Variants in RHOBTB1 observed in about 807,000 individuals in gnomAD.
RHOBTB1 encodes the protein Rho related BTB domain containing 1, also known as rho-related BTB domain-containing protein 1.
RHOBTB1 carries 40 observed loss-of-function variants against 71.6 expected under a neutral mutation model. The observed-to-expected ratio is 0.56, with a 90% confidence interval of 0.43 to 0.73. The LOEUF (loss-of-function observed/expected upper bound fraction) is 0.73. RHOBTB1 is among the 30% of genes least tolerant of loss of function. The probability of loss-of-function intolerance (pLI) is 0.00; values close to 1 mark genes in which losing one functional copy is unlikely to be tolerated. For synonymous variants in RHOBTB1, 319 were observed against 334.9 expected (o/e 0.95, Z 0.52); for missense variants, 797 against 894.0 (o/e 0.89, Z 1.38).
At chr10:60,891,305 T>C (rs1397064372) in intron 5 of RHOBTB1, among the ~76,000 whole-genome samples, 1 of 149,500 alleles carries the variant, frequency 6.7e-6, no homozygotes, top group Admixed American at 6.7e-5. Flanking sequence ...AATGTCAAAA[T>C]AAGGGATTTT....
At chr10:60,995,740 T>C (rs1433240685) in intron 1 of RHOBTB1, among the ~76,000 whole-genome samples, 1 of 152,200 alleles carries the variant, frequency 6.6e-6, no homozygotes, top group Non-Finnish European at 1.5e-5. Context: ...GTTTCTGCCC[T>C]TATTGTTTTT....
Position 60,888,617 on chromosome 10 carries a change from T to C in RHOBTB1, c.1051A>G (p.Lys351Glu). 7 of 1,614,192 alleles carry C rather than the reference T, an allele frequency of 4.3e-6. No individual in the cohort carries two copies. Among genetic ancestry groups the C allele is most frequent in the Non-Finnish European group, 5.1e-6 (6 of 1,180,026 alleles). ...AGCCCCAGAGCCTCCACCAGGCTCT[T>C]GTTTGAAGACTTCCACTGGTCGGCC... ...PQADQWKSSN[K>E]SLVEALGLEA... Residue 351 changes from lysine to glutamate, a missense_variant, in exon 6 of 11, where the codon AAG becomes GAG. Coordinates refer to ENST00000337910, the MANE Select transcript of RHOBTB1 (RefSeq NM_014836.5).
chr10:60,930,141 T>A (rs1255443375), intron 2 of RHOBTB1, among the ~76,000 whole-genome samples: 1 of 152,182 alleles, frequency 6.6e-6, no homozygotes, highest in East Asian at 1.9e-4. Context: ...AAATGGGAAA[T>A]GTTTTAAAAG....
intron 2 of RHOBTB1, among the ~76,000 whole-genome samples, chr10:60,961,954 T>TA (rs976167728): frequency 2.6e-5 from 4 of 151,902 alleles, no homozygotes; most frequent in African/African-American, 9.7e-5. Context: ...ATTATAGGCA[T>TA]GCACTACCAC....
intron 2 of RHOBTB1, among the ~76,000 whole-genome samples, chr10:60,952,767 G>A (rs894152309): frequency 6.6e-6 from 1 of 151,992 alleles, no homozygotes; most frequent in Admixed American, 6.6e-5. Context: ...AACTACCTTA[G>A]TATTTTATAT....
chr10:60,876,867 T>C (rs1188913236), intron 8 of RHOBTB1, among the ~76,000 whole-genome samples: 2 of 152,242 alleles, frequency 1.3e-5, no homozygotes, highest in African/African-American at 4.8e-5. Flanking sequence ...TCTAAAGACA[T>C]TGCCAGAAAG....
chr10:60,966,910 T>G (rs1362176894), intron 2 of RHOBTB1, among the ~76,000 whole-genome samples: 1 of 151,030 alleles, frequency 6.6e-6, no homozygotes, highest in African/African-American at 2.4e-5. Context: ...TTAAGAAACT[T>G]CTATATAGCA....
At chr10:60,949,398 A>T (rs571297829) in intron 2 of RHOBTB1, among the ~76,000 whole-genome samples, 3 of 152,216 alleles carry the variant, frequency 2.0e-5, no homozygotes. Context: ...GCACTTGGGT[A>T]AAAGTGAAAG....
At chr10:60,923,297 C>A (rs2083673778) in intron 2 of RHOBTB1, among the ~76,000 whole-genome samples, 1 of 152,204 alleles carries the variant, frequency 6.6e-6, no homozygotes, top group Non-Finnish European at 1.5e-5. Flanking sequence ...AAACTTCAAA[C>A]ATCTGATTCA....
chr10:60,897,989 C>T (rs917464933), intron 4 of RHOBTB1, among the ~76,000 whole-genome samples: 30 of 152,184 alleles, frequency 2.0e-4, no homozygotes, highest in African/African-American at 7.0e-4. Flanking sequence ...CAGGCATGAG[C>T]CACCGCGCCT....
chr10:60,877,152 C>T (rs2081087584), intron 8 of RHOBTB1: 1 of 152,234 alleles, frequency 6.6e-6, no homozygotes, highest in African/African-American at 2.4e-5. Context: ...ATATCCTATG[C>T]AGACCTGCTT....
At chr10:60,946,394 G>T (rs752494917), upstream of RHOBTB1, among the ~76,000 whole-genome samples, 3 of 152,126 alleles carry the variant, frequency 2.0e-5, no homozygotes, top group African/African-American at 7.2e-5. Flanking sequence ...CAAAAGAAAT[G>T]GGAATCAACA....
At position 60,911,333 on chromosome 10, in the gene RHOBTB1, A is replaced by G; in HGVS notation, c.192+18T>C. ...ATGATGTGCCCTAGGGATGCTGAAG[A>G]CACTCTGTGCATCTTACCTCCTGGC... On this transcript the variant is annotated intron_variant, in intron 3 of 10. Coordinates refer to ENST00000337910, the MANE Select transcript of RHOBTB1 (RefSeq NM_014836.5). 1 of 1,596,980 alleles carries G rather than the reference A, an allele frequency of 6.3e-7. No individual in the cohort carries two copies.
chr10:60,920,214 G>A (rs1363951409), intron 2 of RHOBTB1, among the ~76,000 whole-genome samples: 5 of 152,190 alleles, frequency 3.3e-5, no homozygotes, highest in African/African-American at 1.2e-4. Context: ...CAGGCCTATA[G>A]GTGTACAGTG....
At chr10:60,979,406 C>A (rs1177436708) in intron 2 of RHOBTB1, among the ~76,000 whole-genome samples, 1 of 152,082 alleles carries the variant, frequency 6.6e-6, no homozygotes, top group Non-Finnish European at 1.5e-5. Flanking sequence ...ACAATGAAAC[C>A]ATGGCCTCCA....
intron 4 of RHOBTB1, among the ~76,000 whole-genome samples, chr10:60,904,546 G>A (rs565044262): frequency 3.1e-4 from 47 of 152,122 alleles, no homozygotes; most frequent in African/African-American, 8.7e-4. Flanking sequence ...TTTGCTTGGC[G>A]TCCCTTACTC....
intron 1 of RHOBTB1, among the ~76,000 whole-genome samples, chr10:61,001,043 A>AGTGTGTGTGT: frequency 6.7e-6 from 1 of 149,528 alleles, no homozygotes; most frequent in Non-Finnish European, 1.5e-5. Context: ...CGCCTCCGCC[A>AGTGTGTGTGT]GTGTGTGTGT....
chr10:60,871,970 G>C, intron 10 of RHOBTB1: 1 of 625,382 alleles, frequency 1.6e-6, no homozygotes, highest in East Asian at 2.7e-5. Context: ...CTGGACTCTA[G>C]CCCACCCAAC....
At chr10:60,959,938 A>T (rs1051524012) in intron 2 of RHOBTB1, among the ~76,000 whole-genome samples, 1 of 152,192 alleles carries the variant, frequency 6.6e-6, no homozygotes, top group Non-Finnish European at 1.5e-5. Flanking sequence ...TAAACACACA[A>T]TAAAGGCAGA....
Sources: allele counts gnomAD v4.1 joint callset (sites outside exome capture counted in the v4.1 genomes callset), GRCh38; gene constraint gnomAD v4.1.1; transcripts MANE v1.5; gene names NCBI Gene and HGNC (gene_info 2026-07-23, HGNC 2026-07-21).